The following DPY19L1 variants were observed in gnomAD, a reference collection of about 807,000 sequenced individuals.
The protein encoded by DPY19L1 is dpy-19 like C-mannosyltransferase 1.
A neutral mutation model predicts 96.9 loss-of-function variants in DPY19L1; 35 were observed. That is an observed-to-expected ratio of 0.36 (90% CI 0.28 to 0.48). The LOEUF (loss-of-function observed/expected upper bound fraction) is 0.48. DPY19L1 is among the 20% of genes least tolerant of loss of function. DPY19L1 has a pLI of 0.99. For synonymous variants in DPY19L1, 205 were observed against 252.6 expected (o/e 0.81, Z 1.79); for missense variants, 521 against 777.9 (o/e 0.67, Z 3.93).
rs115214960 is a variant in DPY19L1 at position 35,001,185 on chromosome 7, C to A, written c.764+9283G>T. Reference sequence around the variant, plus strand: ...GCGTCATACATGAACTGAACTTCTGCAATCAAAAACAGTCTTCAGTGAAGA... The same window carrying A: ...GCGTCATACATGAACTGAACTTCTGAAATCAAAAACAGTCTTCAGTGAAGA... On this transcript the variant is annotated intron_variant, in intron 6 of 21. Coordinates refer to ENST00000638088, the MANE Select transcript of DPY19L1 (RefSeq NM_001366673.1). Among the ~76,000 whole-genome samples, 698 of 152,242 alleles carry A rather than the reference C, an allele frequency of 4.6e-3. 10 individuals carry two copies. Among genetic ancestry groups the A allele is most frequent in the African/African-American group, 0.015 (641 of 41,536 alleles).
At chr7:34,976,758 T>C (rs892475447) in intron 7 of DPY19L1, among the ~76,000 whole-genome samples, 2 of 152,178 alleles carry the variant, frequency 1.3e-5, no homozygotes, top group African/African-American at 4.8e-5. Flanking sequence ...TCTGAACAAC[T>C]TGCTGAAGGT....
In DPY19L1 at chr7:35,037,015, A is replaced by AGGAAGGGGAG. The variant is rs1457334532; in HGVS notation, c.298+72_298+81dup. 1.1e-4 allele frequency: 5 copies of AGGAAGGGGAG among 43,910 alleles called. No individual in the cohort carries two copies. In the East Asian group the frequency reaches 2.2e-3, roughly 20 times the overall value. 2.7% of individuals were successfully genotyped at this position (43,910 alleles called of 1,614,324 possible). A position where few individuals can be genotyped will look rare whatever the true frequency, so the allele number is the denominator to read the frequency against. ...GCGGCGGAAGCGGGAGGAGAGGGGAAGGAAGGGGAGGGGAGGGGAGGGGAG... is the reference window on the plus strand; with the variant it reads ...GCGGCGGAAGCGGGAGGAGAGGGGAAGGAAGGGGAGGGAAGGGGAGGGGAGGGGAGGGGAG... On this transcript the variant is annotated intron_variant, in intron 1 of 21. Coordinates refer to ENST00000638088, the MANE Select transcript of DPY19L1 (RefSeq NM_001366673.1).
At chr7:35,033,900 C>T (rs1786324234) in intron 1 of DPY19L1, among the ~76,000 whole-genome samples, 1 of 151,918 alleles carries the variant, frequency 6.6e-6, no homozygotes, top group African/African-American at 2.4e-5. Flanking sequence ...GGGGAGATAC[C>T]AGTGGCATCT....
intron 6 of DPY19L1, among the ~76,000 whole-genome samples, chr7:35,006,108 A>G (rs1003029537): frequency 2.0e-5 from 3 of 152,144 alleles, no homozygotes; most frequent in African/African-American, 7.2e-5. Context: ...GAAAGAAAAA[A>G]TCTCCTGCTT....
At chr7:35,013,009 T>C (rs1248916811) in intron 4 of DPY19L1, among the ~76,000 whole-genome samples, 1 of 152,154 alleles carries the variant, frequency 6.6e-6, no homozygotes, top group African/African-American at 2.4e-5. Context: ...GTCTATCCAA[T>C]TAACAAAGAT....
intron 20 of DPY19L1, among the ~76,000 whole-genome samples, chr7:34,938,611 A>G (rs1197779745): frequency 6.6e-6 from 1 of 152,206 alleles, no homozygotes; most frequent in Non-Finnish European, 1.5e-5. Context: ...GATGAGATTG[A>G]TTTTTTAATG....
chr7:34,960,824 TTTTATCATATACC>T (rs1204103569), intron 10 of DPY19L1, among the ~76,000 whole-genome samples: 1 of 152,202 alleles, frequency 6.6e-6, no homozygotes, highest in Non-Finnish European at 1.5e-5. Context: ...AGATGTTGAC[TTTTATCATATACC>T]TTTATAATAT....
chr7:34,996,056 C>T (rs1201073570), intron 6 of DPY19L1, among the ~76,000 whole-genome samples: 2 of 152,158 alleles, frequency 1.3e-5, no homozygotes, highest in Admixed American at 6.5e-5. Flanking sequence ...AAGTGATTAA[C>T]GCCGTTAATT....
At chr7:34,953,592 C>T (rs1320780234) in intron 13 of DPY19L1, among the ~76,000 whole-genome samples, 1 of 152,120 alleles carries the variant, frequency 6.6e-6, no homozygotes, top group Non-Finnish European at 1.5e-5. Context: ...GCCTTTATTA[C>T]ACTGTATTGT....
intron 6 of DPY19L1, among the ~76,000 whole-genome samples, chr7:34,992,410 G>T (rs2128672887): frequency 6.6e-6 from 1 of 152,268 alleles, no homozygotes; most frequent in East Asian, 1.9e-4. Flanking sequence ...CCTTGAGAGA[G>T]ATGTGACTGT....
chr7:34,955,415 A>G, intron 11 of DPY19L1, 48 bp from the exon 12 acceptor site: 3 of 1,582,644 alleles, frequency 1.9e-6, no homozygotes, highest in Non-Finnish European at 2.6e-6. Flanking sequence ...ACTTATAGAC[A>G]TAAATTCAAG....
At chr7:34,975,816 T>C (rs1584231457) in intron 7 of DPY19L1, among the ~76,000 whole-genome samples, 1 of 152,330 alleles carries the variant, frequency 6.6e-6, no homozygotes, top group East Asian at 1.9e-4. Context: ...GCACGTGATC[T>C]ACAAATGGAG....
chr7:34,942,213 C>G (rs1053921326), intron 17 of DPY19L1, among the ~76,000 whole-genome samples: 4 of 152,152 alleles, frequency 2.6e-5, no homozygotes, highest in African/African-American at 9.7e-5. Flanking sequence ...GCCTCAAGAT[C>G]TGAGGGCTCC....
At chr7:35,000,163 C>T (rs1248678634) in intron 6 of DPY19L1, among the ~76,000 whole-genome samples, 1 of 152,178 alleles carries the variant, frequency 6.6e-6, no homozygotes, top group Non-Finnish European at 1.5e-5. Flanking sequence ...ATGGAGACCT[C>T]TTGATCTTTG....
At chr7:34,972,050 G>A (rs1784735013) in intron 8 of DPY19L1, among the ~76,000 whole-genome samples, 2 of 152,200 alleles carry the variant, frequency 1.3e-5, no homozygotes, top group African/African-American at 2.4e-5. Flanking sequence ...AACTGACAAA[G>A]AAGGACTTAA....
At chr7:34,985,222 C>G (rs1315905153) in intron 7 of DPY19L1, among the ~76,000 whole-genome samples, 4 of 152,084 alleles carry the variant, frequency 2.6e-5, no homozygotes, top group African/African-American at 9.7e-5. Context: ...AATCAGGAAA[C>G]TTGTAATCCT....
Position 34,930,254 on chromosome 7 carries a change from C to A in DPY19L1, c.*1319G>T, listed in dbSNP as rs1783725449. On this transcript the variant is annotated 3_prime_UTR_variant, in exon 22 of 22. Coordinates refer to ENST00000638088, the MANE Select transcript of DPY19L1 (RefSeq NM_001366673.1). ...AAAACCCTAAAACCTTTTCTCAGAG[C>A]TATGAGGTTTCATCGTTTTGAAGAA... 1 of 152,154 alleles carries A rather than the reference C, an allele frequency of 6.6e-6. No individual in the cohort carries two copies. Among genetic ancestry groups the A allele is most frequent in the South Asian group, 2.1e-4 (1 of 4,834 alleles). The allele number at this position is 152,154 out of a possible 1,614,324, so 9.4% of individuals were successfully genotyped here.
intron 13 of DPY19L1, among the ~76,000 whole-genome samples, chr7:34,952,936 G>T (rs529454170): frequency 1.5e-4 from 23 of 152,226 alleles, no homozygotes; most frequent in Admixed American, 2.6e-4. Flanking sequence ...GGAGTCTGTG[G>T]CATTTTTACC....
At chr7:34,970,259 TA>T (rs1784696671) in intron 8 of DPY19L1, among the ~76,000 whole-genome samples, 2 of 152,158 alleles carry the variant, frequency 1.3e-5, no homozygotes. Context: ...CCTGGCTAGA[TA>T]AACCTACCTG....
Sources: gnomAD v4.1 joint callset for allele counts (sites outside exome capture counted in the v4.1 genomes callset) on GRCh38, gnomAD v4.1.1 for gene constraint, MANE v1.5 for transcripts, NCBI Gene and HGNC (gene_info 2026-07-23, HGNC 2026-07-21) for gene names.